The following ZBTB44 variants were observed in gnomAD, a reference collection of about 807,000 sequenced individuals.
The protein encoded by ZBTB44 is zinc finger and BTB domain containing 44.
ZBTB44 carries 15 observed loss-of-function variants against 54.0 expected under a neutral mutation model. The observed-to-expected ratio is 0.28, with a 90% CI of 0.19 to 0.43. The LOEUF is 0.43. Among genes scored for constraint, ZBTB44 ranks in the 20% least tolerant of loss-of-function variants. ZBTB44 has a pLI of 1.00. For synonymous variants in ZBTB44, 230 were observed against 250.1 expected (o/e 0.92, Z 0.76); for missense variants, 487 against 707.1 (o/e 0.69, Z 3.53).
chr11:130,269,551 T>C (rs1360660807), intron 1 of ZBTB44, among the ~76,000 whole-genome samples: 2 of 152,222 alleles, frequency 1.3e-5, no homozygotes, highest in Non-Finnish European at 2.9e-5. Context: ...CTATCACACA[T>C]TCTTGTGAAA....
chr11:130,233,704 T>A lies in ZBTB44; in HGVS notation c.1687-322A>T, dbSNP rs1481552824. 5 of 1,206,174 alleles carry A rather than the reference T, an allele frequency of 4.1e-6. No homozygotes were observed. In the Admixed American group the frequency reaches 2.1e-4, roughly 51 times the overall value. 74.7% of individuals were successfully genotyped at this position (1,206,174 alleles called of 1,614,324 possible). On this transcript the variant is annotated intron_variant, in intron 6 of 7. Coordinates refer to ENST00000357899, the MANE Select transcript of ZBTB44 (RefSeq NM_001301098.2). The stretch of plus-strand genomic sequence containing the variant: ...GCTAATGATCTGTTGTTAGCCTACT[T>A]TTAACAATGGAAGAAGGAACTGGTA...
At chr11:130,269,303 T>C (rs1939501200) in intron 1 of ZBTB44, among the ~76,000 whole-genome samples, 1 of 151,834 alleles carries the variant, frequency 6.6e-6, no homozygotes, top group South Asian at 2.1e-4. Context: ...ATTAATTAAT[T>C]AATCTCATTT....
chr11:130,274,702 A>T (rs1565669123), intron 1 of ZBTB44, among the ~76,000 whole-genome samples: 1 of 152,228 alleles, frequency 6.6e-6, no homozygotes, highest in Non-Finnish European at 1.5e-5. Context: ...AAAAAATCCC[A>T]GTTGATCATG....
rs376243784 is a variant in ZBTB44 at position 130,261,592 on chromosome 11, T to C, written c.282A>G (p.Leu94=). The C allele has an allele frequency of 1.7e-4, 271 of 1,613,924 alleles. No homozygotes were observed. In the Middle Eastern group the frequency reaches 6.7e-3, roughly 40 times the overall value. ...CAATAATATTTTCTGTGTTAATTGA[T>C]AGAGTGGCTGTGTAAGCATATTCTA... ...PLLEYAYTAT[L]SINTENIIDV... Residue 94 remains leucine, a synonymous_variant, in exon 2 of 8, where the codon CTA becomes CTG. Coordinates refer to ENST00000357899, the MANE Select transcript of ZBTB44 (RefSeq NM_001301098.2). This position sits in a 1 kb window ranked among gnomAD's most constrained non-coding sequence, Gnocchi z 4.8.
intron 1 of ZBTB44, among the ~76,000 whole-genome samples, chr11:130,275,457 G>T (rs562238799): frequency 6.6e-6 from 1 of 151,266 alleles, no homozygotes; most frequent in Non-Finnish European, 1.5e-5. Context: ...GAGATTAAAG[G>T]AGTGGGCTAC....
intron 1 of ZBTB44, chr11:130,296,931 G>A: frequency 1.4e-6 from 1 of 737,172 alleles, no homozygotes; most frequent in Non-Finnish European, 2.5e-6. Flanking sequence ...TGGCAATGAA[G>A]GCAAGCAGAA....
At chr11:130,233,210 T>C (rs1953950207) in intron 7 of ZBTB44, 98 bp downstream of exon 7, 4 of 1,469,158 alleles carry the variant, frequency 2.7e-6, no homozygotes, top group Non-Finnish European at 3.6e-6. Flanking sequence ...ATCCGGGCAA[T>C]GACACAGTCA....
At chr11:130,242,383 C>T (rs1954406538) in intron 2 of ZBTB44, among the ~76,000 whole-genome samples, 1 of 152,186 alleles carries the variant, frequency 6.6e-6, no homozygotes, top group Non-Finnish European at 1.5e-5. Context: ...CAAACATTAT[C>T]ATATATACAT....
intron 2 of ZBTB44, among the ~76,000 whole-genome samples, chr11:130,255,696 TA>T (rs1338804396): frequency 1.3e-5 from 2 of 151,484 alleles, no homozygotes; most frequent in Non-Finnish European, 2.9e-5. Context: ...ATAGACACAA[TA>T]AAAAATGATA....
rs933367672 is a variant in ZBTB44, at chr11:130,295,602, A to G, written c.-57+18773T>C. 1.3e-5 allele frequency: 10 copies of G among 766,622 alleles called. 1 individual carries two copies. The highest frequency in any genetic ancestry group is 4.2e-5 in the Admixed American group (2 of 47,780). The allele number at this position is 766,622 out of a possible 1,614,324, so 47.5% of individuals were successfully genotyped here. On this transcript the variant is annotated intron_variant, in intron 1 of 7. Coordinates refer to ENST00000357899, the MANE Select transcript of ZBTB44 (RefSeq NM_001301098.2). ...GAGGATACTTCATTTGCTTCTCTAC[A>G]TAATATTGTCAATGAAAACTCTGAA...
intron 1 of ZBTB44, 148 bp downstream of exon 1, chr11:130,314,227 C>G (rs1381729867): frequency 6.6e-6 from 1 of 152,206 alleles, no homozygotes; most frequent in African/African-American, 2.4e-5. Flanking sequence ...GAGGGGATCC[C>G]GTGGGGTGTC....
intron 2 of ZBTB44, among the ~76,000 whole-genome samples, chr11:130,252,189 A>G (rs547628649): frequency 9.4e-4 from 143 of 152,370 alleles, no homozygotes; most frequent in African/African-American, 3.2e-3. Flanking sequence ...AGGGCATTAT[A>G]TAATGGCAGA....
chr11:130,281,672 G>GC (rs913840413), intron 1 of ZBTB44, among the ~76,000 whole-genome samples: 4 of 151,940 alleles, frequency 2.6e-5, no homozygotes, highest in Admixed American at 2.6e-4. Flanking sequence ...TCGGCTCACT[G>GC]CAAGCTCCAC....
chr11:130,260,206 A>G (rs1416142392), intron 2 of ZBTB44, among the ~76,000 whole-genome samples: 1 of 152,112 alleles, frequency 6.6e-6, no homozygotes, highest in Non-Finnish European at 1.5e-5. Context: ...ATCTGTACTT[A>G]CTTACATCAT....
chr11:130,227,622 T>A lies in ZBTB44; in HGVS notation c.*4142A>T, dbSNP rs1157097423. The A allele has an allele frequency of 2.0e-5, 3 of 152,320 alleles. No individual in the cohort carries two copies. The highest frequency in any genetic ancestry group is 6.5e-5 in the Admixed American group (1 of 15,298). The allele number at this position is 152,320 out of a possible 1,614,324, so 9.4% of individuals were successfully genotyped here. A position where few individuals can be genotyped will look rare whatever the true frequency, so the allele number is the denominator to read the frequency against. ...CATCAGTCACCCATCTGGAAGACCA[T>A]GGTGTACAGTTTCCGCCTAGGCTGG... On this transcript the variant is annotated 3_prime_UTR_variant, in exon 8 of 8. Coordinates refer to ENST00000357899, the MANE Select transcript of ZBTB44 (RefSeq NM_001301098.2).
intron 5 of ZBTB44, among the ~76,000 whole-genome samples, chr11:130,235,251 A>C (rs1447505855): frequency 6.6e-6 from 1 of 152,224 alleles, no homozygotes; most frequent in African/African-American, 2.4e-5. Context: ...TTTTCTAAAA[A>C]GTCTTCATTC....
chr11:130,306,366 G>A (rs2134498035), intron 1 of ZBTB44, among the ~76,000 whole-genome samples: 1 of 152,214 alleles, frequency 6.6e-6, no homozygotes, highest in Middle Eastern at 3.4e-3. Context: ...GCTGGGCGTG[G>A]TGGTGCATGC....
At chr11:130,256,760 A>G (rs758090466) in intron 2 of ZBTB44, among the ~76,000 whole-genome samples, 97 of 152,168 alleles carry the variant, frequency 6.4e-4, no homozygotes, top group Non-Finnish European at 1.2e-3. Context: ...AAATATTAAG[A>G]GCTATTTATG....
At chr11:130,295,962 T>A (rs1941617401) in intron 1 of ZBTB44, 1 of 1,534,744 alleles carries the variant, frequency 6.5e-7, no homozygotes, top group African/African-American at 1.4e-5. Flanking sequence ...TCAACATCAC[T>A]GTGGCCACAC....
Sources: allele counts gnomAD v4.1 joint callset (sites outside exome capture counted in the v4.1 genomes callset), GRCh38; gene constraint gnomAD v4.1.1; non-coding constraint Gnocchi (gnomAD v3.1); transcripts MANE v1.5; gene names NCBI Gene and HGNC (gene_info 2026-07-23, HGNC 2026-07-21).